The following WWOX variants were observed in gnomAD, a reference collection of about 807,000 sequenced individuals.
WWOX encodes the protein WW domain-containing oxidoreductase.
In WWOX, 69 loss-of-function variants were observed where a neutral mutation model predicts 46.2. The ratio of observed to expected loss-of-function variants is 1.49; its 90% CI spans 1.23 to 1.82. The LOEUF is 1.82. WWOX is among the 40% of genes most tolerant of loss of function. The pLI is 0.00. For missense variants in WWOX, 919 were observed against 542.6 expected, an observed-to-expected ratio of 1.69 and a Z score of -6.89; for synonymous variants, 359 against 202.6, an observed-to-expected ratio of 1.77 and a Z score of -6.56.
chr16:78,699,898 A>G (rs188143014), intron 8 of WWOX, among the ~76,000 whole-genome samples: 216 of 152,176 alleles, frequency 1.4e-3, no homozygotes, highest in African/African-American at 5.0e-3. Context: ...GGAGACTGGC[A>G]TTGTCCCGTC....
At chr16:79,083,547 C>T (rs2048800390) in intron 8 of WWOX, among the ~76,000 whole-genome samples, 2 of 152,188 alleles carry the variant, frequency 1.3e-5, no homozygotes, top group African/African-American at 4.8e-5. Flanking sequence ...AACCTCACAC[C>T]AGTGTTGTTT....
chr16:79,138,748 T>C (rs9930659), intron 8 of WWOX, among the ~76,000 whole-genome samples: 71,576 of 152,036 alleles, frequency 0.47, 18,057 homozygotes, highest in African/African-American at 0.66. Context: ...AGACTGTGAG[T>C]CTCCAGAGGG....
At chr16:78,485,400 G>A (rs1327068379) in intron 8 of WWOX, among the ~76,000 whole-genome samples, 1 of 151,996 alleles carries the variant, frequency 6.6e-6, no homozygotes, top group Admixed American at 6.6e-5. Context: ...TTTCTTTTGA[G>A]GTTGAAGATA....
At chr16:78,167,357 T>C (rs1477040604) in intron 5 of WWOX, 1 of 152,180 alleles carries the variant, frequency 6.6e-6, no homozygotes, top group Non-Finnish European at 1.5e-5. Flanking sequence ...TTCTTTCTTA[T>C]ATTTTGAGCC....
chr16:78,699,443 G>A (rs895644102), intron 8 of WWOX, among the ~76,000 whole-genome samples: 1 of 152,124 alleles, frequency 6.6e-6, no homozygotes, highest in Non-Finnish European at 1.5e-5. Flanking sequence ...GGAGGCTGAA[G>A]TGGGAAGATA....
intron 8 of WWOX, among the ~76,000 whole-genome samples, chr16:78,847,936 C>A (rs530393047): frequency 6.6e-6 from 1 of 152,282 alleles, no homozygotes; most frequent in African/African-American, 2.4e-5. Context: ...GTGACCACTG[C>A]ACGAACAACC....
At chr16:79,058,004 C>T (rs1243496597) in intron 8 of WWOX, among the ~76,000 whole-genome samples, 2 of 151,874 alleles carry the variant, frequency 1.3e-5, no homozygotes, top group Non-Finnish European at 2.9e-5. Context: ...ATGCTATTCT[C>T]ATAGTGATTG....
At chr16:78,876,237 A>G (rs1379637862) in intron 8 of WWOX, among the ~76,000 whole-genome samples, 1 of 151,368 alleles carries the variant, frequency 6.6e-6, no homozygotes, top group African/African-American at 2.4e-5. Flanking sequence ...TCCGCCAGCT[A>G]TCTTTAAAAG....
At chr16:79,061,289 C>G (rs189488083) in intron 8 of WWOX, among the ~76,000 whole-genome samples, 6 of 152,238 alleles carry the variant, frequency 3.9e-5, no homozygotes, top group Admixed American at 1.3e-4. Context: ...ACAATTTGTG[C>G]TTAGTAGTAT....
chr16:78,601,110 A>G (rs2045611985), intron 8 of WWOX, among the ~76,000 whole-genome samples: 1 of 152,186 alleles, frequency 6.6e-6, no homozygotes, highest in African/African-American at 2.4e-5. Flanking sequence ...CAGGGTGTAT[A>G]AGTGACATGG....
chr16:78,744,210 G>C (rs1408122012), intron 8 of WWOX, among the ~76,000 whole-genome samples: 1 of 152,152 alleles, frequency 6.6e-6, no homozygotes, highest in Non-Finnish European at 1.5e-5. Flanking sequence ...AGCTGGGTAA[G>C]AGTTTGTGAA....
chr16:79,211,555 C>A, intron 8 of WWOX, 53 bp from the exon 9 acceptor site: 1 of 1,612,054 alleles, frequency 6.2e-7, no homozygotes, highest in South Asian at 1.1e-5. Flanking sequence ...ATGACGCCAT[C>A]TCATCACTCC....
At chr16:78,919,236 T>A (rs1204989763) in intron 8 of WWOX, among the ~76,000 whole-genome samples, 1 of 152,128 alleles carries the variant, frequency 6.6e-6, no homozygotes, top group Non-Finnish European at 1.5e-5. Flanking sequence ...TTAACAGTTC[T>A]TTCTGGCAGA....
chr16:78,567,726 C>G (rs926097333), intron 8 of WWOX, among the ~76,000 whole-genome samples: 2 of 151,980 alleles, frequency 1.3e-5, no homozygotes, highest in Non-Finnish European at 2.9e-5. Flanking sequence ...GCTCATCCAC[C>G]CTGCCTCTGT....
At chr16:78,697,527 A>G (rs2048126832) in intron 8 of WWOX, among the ~76,000 whole-genome samples, 1 of 152,204 alleles carries the variant, frequency 6.6e-6, no homozygotes, top group South Asian at 2.1e-4. Context: ...ACTAATATCC[A>G]GGATCTACAT....
At chr16:78,671,086 C>T (rs1030263359) in intron 8 of WWOX, among the ~76,000 whole-genome samples, 4 of 152,192 alleles carry the variant, frequency 2.6e-5, no homozygotes, top group Admixed American at 6.5e-5. Flanking sequence ...AGCCTGCAGA[C>T]ACTCAGATTT....
chr16:78,776,346 C>G (rs1046737114), intron 8 of WWOX, among the ~76,000 whole-genome samples: 1 of 152,004 alleles, frequency 6.6e-6, no homozygotes, highest in Non-Finnish European at 1.5e-5. Context: ...TCGTGCGAAG[C>G]CCCTCTGCCT....
intron 8 of WWOX, among the ~76,000 whole-genome samples, chr16:78,580,308 C>T (rs1286925071): frequency 6.6e-6 from 1 of 152,010 alleles, no homozygotes; most frequent in Admixed American, 6.6e-5. Context: ...TCCTGCAGTA[C>T]AGTATTGCAC....
At chr16:78,873,900 C>T (rs1215962831) in intron 8 of WWOX, among the ~76,000 whole-genome samples, 3 of 152,054 alleles carry the variant, frequency 2.0e-5, no homozygotes, top group African/African-American at 7.2e-5. Context: ...AGGTCAGGTC[C>T]TAGTGTCTCT....
Sources: allele counts gnomAD v4.1 joint callset (sites outside exome capture counted in the v4.1 genomes callset), GRCh38; gene constraint gnomAD v4.1.1; transcripts MANE v1.5; gene names NCBI Gene and HGNC (gene_info 2026-07-23, HGNC 2026-07-21).